ERC2: variants seen among roughly 807,000 people sequenced by gnomAD.
ERC2 encodes ERC protein 2.
A neutral mutation model predicts 114.8 loss-of-function variants in ERC2; 42 were observed. The observed-to-expected ratio is 0.37, with a 90% CI of 0.29 to 0.47. The LOEUF (loss-of-function observed/expected upper bound fraction) is 0.47. Among genes scored for constraint, ERC2 ranks in the 20% least tolerant of loss-of-function variants. ERC2 has a pLI of 0.99. For missense variants in ERC2, 939 were observed against 1,150.7 expected, an observed-to-expected ratio of 0.82 and a Z score of 2.66; for synonymous variants, 454 against 425.5, an observed-to-expected ratio of 1.07 and a Z score of -0.82.
intron 2 of ERC2, among the ~76,000 whole-genome samples, chr3:56,408,337 G>A (rs1345969345): frequency 1.3e-5 from 2 of 152,192 alleles, no homozygotes; most frequent in Non-Finnish European, 2.9e-5. Flanking sequence ...AGCACAGACA[G>A]TTGCTTGCCC....
intron 2 of ERC2, among the ~76,000 whole-genome samples, chr3:56,418,095 T>C (rs1201507463): frequency 6.6e-6 from 1 of 151,974 alleles, no homozygotes; most frequent in Non-Finnish European, 1.5e-5. Flanking sequence ...AAGACCAGCC[T>C]GGCCAACATA....
At chr3:56,303,288 T>C (rs796853408) in intron 2 of ERC2, among the ~76,000 whole-genome samples, 2 of 152,200 alleles carry the variant, frequency 1.3e-5, no homozygotes, top group South Asian at 4.1e-4. Flanking sequence ...CAAACTTAGT[T>C]GCATACTTTA....
Position 55,510,685 on chromosome 3 carries a change from T to C in ERC2, c.*631A>G, listed in dbSNP as rs1418897372. On this transcript the variant is annotated 3_prime_UTR_variant, in exon 18 of 18. Coordinates refer to ENST00000288221, the MANE Select transcript of ERC2 (RefSeq NM_015576.3). ...AAAATGCGGTTCTTCAAACAACAGA[T>C]TAAAGAAATAGAGGAGGGTAAAGGC... is the stretch of plus-strand genomic sequence containing the variant. 1 of 152,588 alleles carries C rather than the reference T, an allele frequency of 6.6e-6. No individual in the cohort carries two copies. Among genetic ancestry groups the C allele is most frequent in the Non-Finnish European group, 1.5e-5 (1 of 68,034 alleles). The allele number at this position is 152,588 out of a possible 1,614,324, so 9.5% of individuals were successfully genotyped here.
chr3:55,588,433 A>C (rs2057704261), intron 17 of ERC2, among the ~76,000 whole-genome samples: 1 of 152,212 alleles, frequency 6.6e-6, no homozygotes, highest in Admixed American at 6.5e-5. Context: ...CCTAAAGACA[A>C]CTTTCCACTT....
chr3:55,558,631 T>C (rs754637750), intron 17 of ERC2, among the ~76,000 whole-genome samples: 2 of 152,250 alleles, frequency 1.3e-5, no homozygotes. Flanking sequence ...ATTCCTTTTC[T>C]AGTATCCCTA....
At chr3:55,650,968 C>T (rs527622651) in intron 17 of ERC2, among the ~76,000 whole-genome samples, 27 of 151,778 alleles carry the variant, frequency 1.8e-4, no homozygotes, top group African/African-American at 6.3e-4. Context: ...CTGCCTCAGC[C>T]TCCCAAGTAG....
chr3:55,634,847 A>G (rs1026824888), intron 17 of ERC2, among the ~76,000 whole-genome samples: 1 of 151,476 alleles, frequency 6.6e-6, no homozygotes, highest in Non-Finnish European at 1.5e-5. Context: ...TTCCCATAGC[A>G]CTTCAGAGTT....
At chr3:55,824,161 C>T (rs139264637) in intron 14 of ERC2, among the ~76,000 whole-genome samples, 229 of 152,306 alleles carry the variant, frequency 1.5e-3, no homozygotes, top group African/African-American at 5.4e-3. Context: ...AAAGACCTAA[C>T]CTCTAAACAC....
At chr3:56,467,809 A>C (rs992663786) in intron 1 of ERC2, among the ~76,000 whole-genome samples, 2 of 149,822 alleles carry the variant, frequency 1.3e-5, no homozygotes, top group Non-Finnish European at 3.0e-5. Flanking sequence ...ACCTTTCTCC[A>C]CTTTGTTCTG....
chr3:55,583,079 C>T (rs2057340047), intron 17 of ERC2, among the ~76,000 whole-genome samples: 1 of 152,208 alleles, frequency 6.6e-6, no homozygotes, highest in South Asian at 2.1e-4. Context: ...TTAATGTACT[C>T]ATGCCATTAT....
intron 3 of ERC2, among the ~76,000 whole-genome samples, chr3:56,290,651 G>A (rs1359169466): frequency 6.6e-6 from 1 of 152,154 alleles, no homozygotes; most frequent in Non-Finnish European, 1.5e-5. Flanking sequence ...AAGGGGGACC[G>A]GAATGGCATT....
chr3:56,041,169 T>A (rs943076692), intron 7 of ERC2, among the ~76,000 whole-genome samples: 3 of 152,294 alleles, frequency 2.0e-5, no homozygotes, highest in African/African-American at 7.2e-5. Flanking sequence ...CTATTGTATC[T>A]TGGACATTTT....
intron 2 of ERC2, among the ~76,000 whole-genome samples, chr3:56,416,398 T>C (rs999770359): frequency 8.5e-5 from 13 of 152,244 alleles, no homozygotes; most frequent in African/African-American, 3.1e-4. Context: ...TATGGTCAAC[T>C]ATGTCACACA....
chr3:55,719,987 C>G (rs1488307617), intron 15 of ERC2, among the ~76,000 whole-genome samples: 2 of 87,048 alleles, frequency 2.3e-5, no homozygotes, highest in African/African-American at 8.9e-5. Flanking sequence ...TCTCTCCCTC[C>G]CTCTCTCTCC....
intron 13 of ERC2, among the ~76,000 whole-genome samples, chr3:55,923,771 A>T (rs184841564): frequency 2.5e-3 from 384 of 152,212 alleles, no homozygotes; most frequent in African/African-American, 8.6e-3. Context: ...AGAAGCCTCT[A>T]GCTTAAGACA....
In ERC2 at chr3:55,662,424, C is replaced by T. The variant is rs184405415; in HGVS notation, c.*39+21370G>A. On this transcript the variant is annotated intron_variant, in intron 17 of 17. Transcript: ENST00000288221. ...TAAGGTAGGTCTATATATATTGAAA[C>T]GGAAAGTTTACCAAGACATACTGTT... 6.2e-3 allele frequency among the ~76,000 whole-genome samples: 947 copies of T among 152,228 alleles called. 9 individuals are homozygous for T. Among genetic ancestry groups the T allele is most frequent in the African/African-American group, 0.015 (630 of 41,530 alleles).
At chr3:56,436,410 T>C (rs1264028655) in intron 1 of ERC2, among the ~76,000 whole-genome samples, 1 of 152,186 alleles carries the variant, frequency 6.6e-6, no homozygotes, top group Non-Finnish European at 1.5e-5. Flanking sequence ...AGTGTCTCAA[T>C]GAGATAAGTA....
chr3:56,162,723 T>G (rs142324816), intron 4 of ERC2, among the ~76,000 whole-genome samples: 118 of 152,286 alleles, frequency 7.7e-4, no homozygotes, highest in African/African-American at 2.8e-3. Context: ...TAAGTTGTAT[T>G]GTCACCTTTG....
chr3:56,395,791 C>A (rs1319802743), intron 2 of ERC2, among the ~76,000 whole-genome samples: 1 of 152,138 alleles, frequency 6.6e-6, no homozygotes, highest in Admixed American at 6.5e-5. Flanking sequence ...GCAAGAACGG[C>A]CTCAGACAAA....
Sources: gnomAD v4.1 joint callset for allele counts (sites outside exome capture counted in the v4.1 genomes callset) on GRCh38, gnomAD v4.1.1 for gene constraint, MANE v1.5 for transcripts, NCBI Gene and HGNC (gene_info 2026-07-23, HGNC 2026-07-21) for gene names.